Variants in KDM4C observed in about 807,000 individuals in gnomAD.
KDM4C encodes the protein lysine-specific demethylase 4C.
Under a neutral mutation model 129.3 loss-of-function variants are expected in KDM4C, and 81 were observed. That is an observed-to-expected ratio of 0.63 (90% CI 0.52 to 0.75). KDM4C has a LOEUF of 0.75. KDM4C is among the 30% of genes least tolerant of loss of function. The probability of loss-of-function intolerance (pLI) is 0.00; values close to 1 mark genes in which losing one functional copy is unlikely to be tolerated. For missense variants in KDM4C, 1,457 were observed against 1,304.0 expected (o/e 1.12, Z -1.81); for synonymous variants, 573 against 456.1 (o/e 1.26, Z -3.26).
At chr9:7,163,817 T>G (rs1021672373) in intron 19 of KDM4C, among the ~76,000 whole-genome samples, 2 of 152,196 alleles carry the variant, frequency 1.3e-5, no homozygotes, top group African/African-American at 4.8e-5. Flanking sequence ...AAGGATAGAC[T>G]TACTTTCATT....
At chr9:6,815,757 A>G (rs187244048) in intron 4 of KDM4C, among the ~76,000 whole-genome samples, 31 of 152,290 alleles carry the variant, frequency 2.0e-4, no homozygotes, top group Non-Finnish European at 4.3e-4. Flanking sequence ...GTATAATGCA[A>G]ATACTCCAAA....
At chr9:7,165,217 C>T in intron 19 of KDM4C, 21 bp from the exon 20 acceptor site, 1 of 1,611,614 alleles carries the variant, frequency 6.2e-7, no homozygotes, top group Non-Finnish European at 8.5e-7. Context: ...TTTGAAAAGC[C>T]TGTCTCTGTT....
intron 19 of KDM4C, among the ~76,000 whole-genome samples, chr9:7,151,880 T>G (rs1842763125): frequency 6.6e-6 from 1 of 152,176 alleles, no homozygotes; most frequent in Admixed American, 6.5e-5. Flanking sequence ...TCTAAGCATG[T>G]TAGAAAGCTC....
At chr9:6,981,331 A>C (rs1816732012) in intron 9 of KDM4C, among the ~76,000 whole-genome samples, 12 of 152,216 alleles carry the variant, frequency 7.9e-5, no homozygotes, top group Admixed American at 7.9e-4. Flanking sequence ...AATATTCCTG[A>C]AGTTGCTCGA....
intron 1 of KDM4C, among the ~76,000 whole-genome samples, chr9:6,736,025 G>C (rs998067946): frequency 1.3e-5 from 2 of 152,162 alleles, no homozygotes; most frequent in Non-Finnish European, 2.9e-5. Context: ...GGTGACTCTT[G>C]TTATGTTTTA....
At chr9:6,868,649 C>T (rs10975866) in intron 5 of KDM4C, among the ~76,000 whole-genome samples, 29,474 of 151,754 alleles carry the variant, frequency 0.19, 3,518 homozygotes, top group Middle Eastern at 0.36. Flanking sequence ...GGAATACTGA[C>T]CAGAGAAACA....
intron 1 of KDM4C, among the ~76,000 whole-genome samples, chr9:6,785,166 C>A (rs1825202914): frequency 6.6e-6 from 1 of 152,196 alleles, no homozygotes; most frequent in Admixed American, 6.5e-5. Context: ...AAGGTGTTGG[C>A]AGGACCGTGT....
chr9:6,871,279 T>A (rs1842790614), intron 5 of KDM4C, among the ~76,000 whole-genome samples: 1 of 152,248 alleles, frequency 6.6e-6, no homozygotes, highest in Non-Finnish European at 1.5e-5. Context: ...TGTGAAATGT[T>A]GGCCTAATCT....
intron 8 of KDM4C, among the ~76,000 whole-genome samples, chr9:6,920,559 A>AAG (rs1193721143): frequency 1.3e-5 from 1 of 78,428 alleles, no homozygotes; most frequent in Non-Finnish European, 2.7e-5. Context: ...CAAGAAAAAA[A>AAG]AAATTAATTA....
intron 19 of KDM4C, among the ~76,000 whole-genome samples, chr9:7,130,037 A>C (rs1312182669): frequency 6.6e-6 from 1 of 152,228 alleles, no homozygotes; most frequent in Non-Finnish European, 1.5e-5. Flanking sequence ...AGGGATATGC[A>C]GGAGCAAGAG....
intron 1 of KDM4C, among the ~76,000 whole-genome samples, chr9:6,722,288 G>T (rs1816981171): frequency 6.6e-6 from 1 of 152,176 alleles, no homozygotes; most frequent in Non-Finnish European, 1.5e-5. Flanking sequence ...TTTCCTCCCA[G>T]TGTCCTAGTT....
rs559389159 is a variant in KDM4C at position 6,775,773 on chromosome 9, C to T, written c.-17-17199C>T. ...CTGACCTCAGGTGATCCGCCTGCCT[C>T]GGCCTCCCAAAGTGTTGGGATTACA... On this transcript the variant is annotated intron_variant, in intron 1 of 21. Transcript: ENST00000381309. Among the ~76,000 whole-genome samples, 70 of 152,268 alleles carry T rather than the reference C, an allele frequency of 4.6e-4. 1 individual carries two copies. Among genetic ancestry groups the T allele is most frequent in the South Asian group, 8.3e-4 (4 of 4,830 alleles).
intron 8 of KDM4C, among the ~76,000 whole-genome samples, chr9:6,969,360 G>T (rs1008323928): frequency 3.3e-5 from 5 of 151,738 alleles, no homozygotes; most frequent in Non-Finnish European, 7.4e-5. Context: ...TTAAAATCTT[G>T]GCTGGTTTAA....
chr9:7,008,213 C>T (rs375359475), intron 12 of KDM4C, among the ~76,000 whole-genome samples: 4 of 152,226 alleles, frequency 2.6e-5, no homozygotes, highest in South Asian at 2.1e-4. Context: ...ATCTAAGGTC[C>T]GTTGCAGTGA....
intron 17 of KDM4C, among the ~76,000 whole-genome samples, chr9:7,058,510 T>A (rs1831185584): frequency 6.6e-6 from 1 of 152,186 alleles, no homozygotes; most frequent in Non-Finnish European, 1.5e-5. Context: ...TAGCAGTCGC[T>A]CTCAGGAGCT....
chr9:7,090,627 C>T (rs1025002311), intron 17 of KDM4C, among the ~76,000 whole-genome samples: 2 of 152,178 alleles, frequency 1.3e-5, no homozygotes, highest in African/African-American at 4.8e-5. Context: ...TTGGAATGGA[C>T]TGCTTGTGTT....
At chr9:7,170,478 C>T (rs1437456854) in intron 21 of KDM4C, 4 of 982,118 alleles carry the variant, frequency 4.1e-6, no homozygotes, top group East Asian at 1.1e-4. Flanking sequence ...TTCATGCCCT[C>T]ACATACCATT....
intron 17 of KDM4C, among the ~76,000 whole-genome samples, chr9:7,103,105 A>AT (rs1305251722): frequency 1.3e-5 from 2 of 151,890 alleles, no homozygotes; most frequent in East Asian, 1.9e-4. Flanking sequence ...TGGGAGGCAT[A>AT]TTTTTTTTGT....
intron 15 of KDM4C, among the ~76,000 whole-genome samples, chr9:7,046,194 A>C (rs970965972): frequency 6.6e-6 from 1 of 151,960 alleles, no homozygotes; most frequent in African/African-American, 2.4e-5. Context: ...TTGGAGTAGA[A>C]AATTACATTC....
Sources: allele counts gnomAD v4.1 joint callset (sites outside exome capture counted in the v4.1 genomes callset), GRCh38; gene constraint gnomAD v4.1.1; transcripts MANE v1.5; gene names NCBI Gene and HGNC (gene_info 2026-07-23, HGNC 2026-07-21).